Variants in APBA1 observed in about 807,000 individuals in gnomAD.
The protein encoded by APBA1 is amyloid beta precursor protein binding family A member 1.
In APBA1, 55 loss-of-function variants were observed where a neutral mutation model predicts 86.6. That is an observed-to-expected ratio of 0.64 (90% CI 0.51 to 0.80). The LOEUF (loss-of-function observed/expected upper bound fraction) is 0.80. Ranked by LOEUF, APBA1 falls within the 30% of genes least tolerant of loss-of-function variation. APBA1 has a pLI of 0.00. For synonymous variants in APBA1, 511 were observed against 493.9 expected, an observed-to-expected ratio of 1.03 and a Z score of -0.46; for missense variants, 1,090 against 1,183.0, an observed-to-expected ratio of 0.92 and a Z score of 1.15.
intron 1 of APBA1, among the ~76,000 whole-genome samples, chr9:69,558,948 C>A (rs1055723897): frequency 6.6e-6 from 1 of 152,204 alleles, no homozygotes; most frequent in African/African-American, 2.4e-5. Flanking sequence ...GGCTTTAACT[C>A]CAATTACCAC....
chr9:69,604,083 G>C (rs116032384), intron 1 of APBA1, among the ~76,000 whole-genome samples: 1 of 152,320 alleles, frequency 6.6e-6, no homozygotes, highest in South Asian at 2.1e-4. Flanking sequence ...GCTGTACAAA[G>C]CAGTGTATAG....
intron 2 of APBA1, among the ~76,000 whole-genome samples, chr9:69,506,373 C>G (rs1254552993): frequency 2.3e-5 from 3 of 133,196 alleles, no homozygotes; most frequent in Non-Finnish European, 4.8e-5. Flanking sequence ...CTTAAAAAAC[C>G]GCGCACCACG....
chr9:69,496,152 C>T (rs1835791106), intron 2 of APBA1, among the ~76,000 whole-genome samples: 1 of 152,108 alleles, frequency 6.6e-6, no homozygotes, highest in Non-Finnish European at 1.5e-5. Context: ...GAAACAGAGG[C>T]AGCAGTGTGG....
At chr9:69,482,961 G>T (rs1835541518) in intron 2 of APBA1, among the ~76,000 whole-genome samples, 1 of 116,146 alleles carries the variant, frequency 8.6e-6, no homozygotes, top group African/African-American at 3.3e-5. Flanking sequence ...ACACTCTGGG[G>T]ACTGTTGTGG....
rs1283914693 is a variant in APBA1 at position 69,430,089 on chromosome 9, C to G, written c.*1238G>C. ...GCAAGAGGGTGTTTATGGACCACAT[C>G]TGGGGATTCTGAGGCATAACTTGAG... On this transcript the variant is annotated 3_prime_UTR_variant, in exon 13 of 13. Coordinates refer to ENST00000265381, the MANE Select transcript of APBA1 (RefSeq NM_001163.4). The G allele has an allele frequency of 6.6e-6, 1 of 152,208 alleles. No individual in the cohort carries two copies. Among genetic ancestry groups the G allele is most frequent in the Non-Finnish European group, 1.5e-5 (1 of 68,050 alleles). The allele number at this position is 152,208 out of a possible 1,614,324, so 9.4% of individuals were successfully genotyped here. A position where few individuals can be genotyped will look rare whatever the true frequency, so the allele number is the denominator to read the frequency against.
chr9:69,650,227 T>C (rs1031092275), intron 1 of APBA1, among the ~76,000 whole-genome samples: 1 of 152,212 alleles, frequency 6.6e-6, no homozygotes, highest in Non-Finnish European at 1.5e-5. Context: ...AAAATGAGGA[T>C]AACAACAGCA....
At chr9:69,564,458 G>C (rs1000266154) in intron 1 of APBA1, among the ~76,000 whole-genome samples, 1 of 152,144 alleles carries the variant, frequency 6.6e-6, no homozygotes, top group Non-Finnish European at 1.5e-5. Context: ...GCTGGACATT[G>C]CTTTTACTTT....
At chr9:69,568,064 T>C (rs980199381) in intron 1 of APBA1, among the ~76,000 whole-genome samples, 2 of 152,064 alleles carry the variant, frequency 1.3e-5, no homozygotes, top group Non-Finnish European at 2.9e-5. Flanking sequence ...AGAAATGACA[T>C]AGGATAAGGT....
At chr9:69,631,330 G>A (rs1823039491) in intron 1 of APBA1, among the ~76,000 whole-genome samples, 1 of 152,156 alleles carries the variant, frequency 6.6e-6, no homozygotes, top group African/African-American at 2.4e-5. Context: ...GGCCATCAGA[G>A]AAATGCAAAT....
chr9:69,609,563 C>T (rs1239255603), intron 1 of APBA1, among the ~76,000 whole-genome samples: 1 of 152,126 alleles, frequency 6.6e-6, no homozygotes, highest in East Asian at 1.9e-4. Context: ...ATTGCAATGC[C>T]TAATACCAAA....
intron 1 of APBA1, among the ~76,000 whole-genome samples, chr9:69,631,561 T>C (rs191067710): frequency 1.1e-4 from 16 of 152,368 alleles, no homozygotes; most frequent in Admixed American, 2.6e-4. Context: ...ACTGGGTGTA[T>C]ATCCAAAGGA....
At chr9:69,463,398 C>T (rs1835223573) in intron 5 of APBA1, 1 of 152,196 alleles carries the variant, frequency 6.6e-6, no homozygotes, top group Non-Finnish European at 1.5e-5. Flanking sequence ...CAAACCGCAG[C>T]TCCAAATTCT....
chr9:69,436,338 G>C (rs1186687425), intron 11 of APBA1, among the ~76,000 whole-genome samples: 3 of 150,244 alleles, frequency 2.0e-5, no homozygotes. Context: ...AGCTTGATGG[G>C]GATGGCATTG....
intron 1 of APBA1, among the ~76,000 whole-genome samples, chr9:69,568,991 C>T (rs1837073904): frequency 6.6e-6 from 1 of 152,108 alleles, no homozygotes; most frequent in African/African-American, 2.4e-5. Flanking sequence ...TGCTAGGTCC[C>T]CAAAGTCTGG....
intron 1 of APBA1, among the ~76,000 whole-genome samples, chr9:69,545,713 A>G (rs7019125): frequency 0.81 from 123,739 of 152,170 alleles, 50,428 homozygotes; most frequent in East Asian, 0.91. Flanking sequence ...CACATATGTA[A>G]GAAGTCTTCT....
chr9:69,624,494 G>A (rs764296184), intron 1 of APBA1, among the ~76,000 whole-genome samples: 2 of 152,154 alleles, frequency 1.3e-5, no homozygotes, highest in African/African-American at 2.4e-5. Context: ...AGTCCCTGCT[G>A]GTATCCTCAC....
chr9:69,432,050 C>CTGAT (rs1455815052), intron 12 of APBA1, among the ~76,000 whole-genome samples: 1 of 152,130 alleles, frequency 6.6e-6, no homozygotes, highest in Non-Finnish European at 1.5e-5. Flanking sequence ...GTAGTGATGA[C>CTGAT]TGATAGGAGT....
intron 1 of APBA1, among the ~76,000 whole-genome samples, chr9:69,621,484 T>C (rs371985842): frequency 1.8e-4 from 27 of 152,254 alleles, no homozygotes; most frequent in African/African-American, 6.3e-4. Context: ...ATGGAGAAAC[T>C]GTATGGTGCA....
At chr9:69,492,860 C>T (rs112074206) in intron 2 of APBA1, among the ~76,000 whole-genome samples, 7,700 of 152,104 alleles carry the variant, frequency 0.051, 681 homozygotes, top group African/African-American at 0.17. Context: ...TTTCCTCCAA[C>T]GAAACTCGGC....
Sources: gnomAD v4.1 joint callset for allele counts (sites outside exome capture counted in the v4.1 genomes callset) on GRCh38, gnomAD v4.1.1 for gene constraint, MANE v1.5 for transcripts, NCBI Gene and HGNC (gene_info 2026-07-23, HGNC 2026-07-21) for gene names.